BTRC: variants seen among roughly 807,000 people sequenced by gnomAD.
BTRC encodes F-box/WD repeat-containing protein 1A.
Under a neutral mutation model 85.5 loss-of-function variants are expected in BTRC, and 42 were observed. That is an observed-to-expected ratio of 0.49 (90% CI 0.38 to 0.64). BTRC has a LOEUF of 0.64. Ranked by LOEUF, BTRC falls within the 30% of genes least tolerant of loss-of-function variation. The pLI is 0.00. For missense variants in BTRC, 594 were observed against 743.5 expected (o/e 0.80, Z 2.34); for synonymous variants, 255 against 263.3 (o/e 0.97, Z 0.30).
intron 11 of BTRC, 105 bp downstream of exon 11, chr10:101,535,577 C>G: frequency 2.6e-6 from 2 of 772,396 alleles, no homozygotes; most frequent in Non-Finnish European, 3.9e-6. Flanking sequence ...TTATAATCAA[C>G]TGTTTTTCCT....
intron 1 of BTRC, among the ~76,000 whole-genome samples, chr10:101,386,004 A>G (rs921614889): frequency 1.4e-4 from 21 of 152,170 alleles, no homozygotes; most frequent in Non-Finnish European, 2.4e-4. Context: ...GTTGCCTAGT[A>G]GTGTCAGGAA....
chr10:101,420,486 T>C (rs1257408409), intron 1 of BTRC, among the ~76,000 whole-genome samples: 1 of 152,058 alleles, frequency 6.6e-6, no homozygotes, highest in Admixed American at 6.6e-5. Flanking sequence ...TCTGCCGACA[T>C]GGGCAACCCT....
chr10:101,542,939 C>T (rs1392660622), intron 13 of BTRC, among the ~76,000 whole-genome samples: 11 of 152,230 alleles, frequency 7.2e-5, no homozygotes, highest in African/African-American at 2.2e-4. Context: ...TGCAGTGGCA[C>T]GATGTCGGCT....
intron 5 of BTRC, among the ~76,000 whole-genome samples, chr10:101,525,245 A>G (rs1180865393): frequency 6.6e-6 from 1 of 152,090 alleles, no homozygotes; most frequent in African/African-American, 2.4e-5. Flanking sequence ...ACTCCCCAAG[A>G]TCTGTTCTCC....
At chr10:101,376,177 T>C (rs1942786267) in intron 1 of BTRC, among the ~76,000 whole-genome samples, 1 of 152,182 alleles carries the variant, frequency 6.6e-6, no homozygotes, top group Non-Finnish European at 1.5e-5. Flanking sequence ...AATAAAAAAA[T>C]TAGCCGCTCA....
At chr10:101,535,728 T>G (rs1400509520) in intron 11 of BTRC, among the ~76,000 whole-genome samples, 1 of 152,220 alleles carries the variant, frequency 6.6e-6, no homozygotes, top group Non-Finnish European at 1.5e-5. Context: ...TTCTTTGCCA[T>G]TGTTTTTAAG....
chr10:101,532,156 A>T, intron 7 of BTRC, 139 bp from the exon 8 acceptor site: 1 of 798,588 alleles, frequency 1.3e-6, no homozygotes, highest in Non-Finnish European at 1.8e-6. Context: ...GTAGCCTTTT[A>T]AAGACATTTT....
At chr10:101,543,840 C>T (rs747806497) in intron 13 of BTRC, among the ~76,000 whole-genome samples, 4 of 152,284 alleles carry the variant, frequency 2.6e-5, no homozygotes, top group Admixed American at 6.5e-5. Context: ...ACAGATTTTA[C>T]TTCTAAATAT....
chr10:101,381,262 C>CAAATGT (rs1942921889), intron 1 of BTRC, among the ~76,000 whole-genome samples: 1 of 152,120 alleles, frequency 6.6e-6, no homozygotes, highest in African/African-American at 2.4e-5. Context: ...TCCTGATTTA[C>CAAATGT]AAATGTGGAA....
chr10:101,525,055 G>C lies in BTRC; in HGVS notation c.557-958G>C, dbSNP rs1195886025. Among the ~76,000 whole-genome samples, 13 of 152,316 alleles carry C rather than the reference G, an allele frequency of 8.5e-5. 1 individual carries two copies. Among genetic ancestry groups the C allele is most frequent in the East Asian group, 1.9e-4 (1 of 5,194 alleles). On this transcript the variant is annotated intron_variant, in intron 5 of 14. Coordinates refer to ENST00000370187, the MANE Select transcript of BTRC (RefSeq NM_033637.4). ...CTATTTAAGTCTGTAGAAAACCTCT[G>C]ATATGTACTTTGTAAACAGAAATAA...
intron 4 of BTRC, among the ~76,000 whole-genome samples, chr10:101,503,683 T>C (rs1470114821): frequency 2.0e-5 from 3 of 152,212 alleles, no homozygotes; most frequent in Admixed American, 6.5e-5. Flanking sequence ...CATAGAATTA[T>C]TTCTTGCTGC....
chr10:101,478,444 A>G (rs937456625), intron 3 of BTRC, among the ~76,000 whole-genome samples: 2 of 151,864 alleles, frequency 1.3e-5, no homozygotes, highest in African/African-American at 4.8e-5. Flanking sequence ...TTAGTTTTAA[A>G]ATAATTTTTT....
chr10:101,432,082 A>G (rs1196814770), intron 2 of BTRC, among the ~76,000 whole-genome samples: 2 of 151,912 alleles, frequency 1.3e-5, no homozygotes, highest in Admixed American at 1.3e-4. Context: ...TTGGAGAGTA[A>G]TTGATATCCT....
At chr10:101,532,750 A>ATGTGTGTGTGTGTGTG (rs71643587) in intron 8 of BTRC, among the ~76,000 whole-genome samples, 28 of 102,184 alleles carry the variant, frequency 2.7e-4, no homozygotes, top group South Asian at 8.0e-4. Context: ...CTGAAGCTAT[A>ATGTGTGTGTGTGTGTG]TGTGTGTGTG....
intron 1 of BTRC, among the ~76,000 whole-genome samples, chr10:101,357,651 T>C (rs1375410011): frequency 6.6e-6 from 1 of 152,114 alleles, no homozygotes; most frequent in Non-Finnish European, 1.5e-5. Context: ...AATGTAAAAT[T>C]AGTTTAAAAT....
intron 1 of BTRC, among the ~76,000 whole-genome samples, chr10:101,363,864 T>G (rs1040039667): frequency 3.3e-5 from 5 of 152,278 alleles, no homozygotes; most frequent in Admixed American, 6.5e-5. Flanking sequence ...AAATTACCGA[T>G]GAAGTGCAGT....
Position 101,538,398 on chromosome 10 carries a change from T to C in BTRC, c.1656+27T>C, listed in dbSNP as rs755770833. ...TAAGAGCCTTGCTGTTTAGAGAGCA[T>C]TGGAGAGCAGGTGGGGGAAGAAATT... On this transcript the variant is annotated intron_variant, in intron 13 of 14. Coordinates refer to ENST00000370187, the MANE Select transcript of BTRC (RefSeq NM_033637.4). 2.8e-5 allele frequency: 44 copies of C among 1,576,064 alleles called. 1 individual carries two copies. Among genetic ancestry groups the C allele is most frequent in the South Asian group, 1.8e-4 (16 of 90,288 alleles).
chr10:101,374,689 G>A (rs568338594), intron 1 of BTRC, among the ~76,000 whole-genome samples: 3 of 148,720 alleles, frequency 2.0e-5, no homozygotes, highest in East Asian at 2.0e-4. Context: ...GCTAGATGAC[G>A]AGTTAGTGGG....
In BTRC at chr10:101,554,175, T is replaced by G. The variant is rs2062696217; in HGVS notation, c.*1052T>G. 6.6e-6 allele frequency: 1 copy of G among 152,198 alleles called. No homozygotes were observed. Among genetic ancestry groups the G allele is most frequent in the African/African-American group, 2.4e-5 (1 of 41,458 alleles). The allele number at this position is 152,198 out of a possible 1,614,324, so 9.4% of individuals were successfully genotyped here. ...GAAAGGAGTTGCTGATTGCATTTCC[T>G]CTCATTAACAATTGGGTGTGTAATA... is the stretch of plus-strand genomic sequence containing the variant. On this transcript the variant is annotated 3_prime_UTR_variant, in exon 15 of 15. Transcript: ENST00000370187.
Sources: allele counts gnomAD v4.1 joint callset (sites outside exome capture counted in the v4.1 genomes callset), GRCh38; gene constraint gnomAD v4.1.1; transcripts MANE v1.5; gene names NCBI Gene and HGNC (gene_info 2026-07-23, HGNC 2026-07-21).